Variants in USP42 observed in about 807,000 individuals in gnomAD.
USP42 encodes ubiquitin carboxyl-terminal hydrolase 42.
Under a neutral mutation model 113.0 loss-of-function variants are expected in USP42, and 23 were observed. That is an observed-to-expected ratio of 0.20 (90% CI 0.15 to 0.29). The LOEUF is 0.29. Among genes scored for constraint, USP42 ranks in the 10% least tolerant of loss-of-function variants. The pLI, the probability that USP42 is intolerant of heterozygous loss-of-function variation, is 1.00. For missense variants in USP42, 2,174 were observed against 1,779.8 expected, an observed-to-expected ratio of 1.22 and a Z score of -3.99; for synonymous variants, 933 against 699.0, an observed-to-expected ratio of 1.33 and a Z score of -5.28.
chr7:6,084,301 A>T, the USP42 span: 1 of 151,604 alleles, frequency 6.6e-6, no homozygotes, highest in African/African-American at 2.5e-5. Flanking sequence ...TGCTGGGATT[A>T]CAGGTGTGAG....
intron 15 of USP42, 85 bp from the exon 16 acceptor site, chr7:6,156,669 G>GGTCGCCGTATCATTAAAA: frequency 1.4e-6 from 2 of 1,450,870 alleles, no homozygotes; most frequent in East Asian, 2.5e-5. Flanking sequence ...TGTTCTCGGT[G>GGTCGCCGTATCATTAAAA]AATGGGTGGA....
the USP42 span, among the ~76,000 whole-genome samples, chr7:6,086,379 G>A: frequency 6.7e-6 from 1 of 150,356 alleles, no homozygotes; most frequent in African/African-American, 2.5e-5. Context: ...CTAATTTTTT[G>A]TATTTTTAAT....
chr7:6,142,679 T>C (rs945654117), intron 7 of USP42, among the ~76,000 whole-genome samples: 4 of 152,048 alleles, frequency 2.6e-5, no homozygotes, highest in Non-Finnish European at 4.4e-5. Context: ...GCCCAGGAGT[T>C]TGAGACCAGC....
rs773372354 is a variant in USP42 at position 6,111,389 on chromosome 7, AAG to A, written c.241+21_241+22del. 1.2e-6 allele frequency: 2 copies of A among 1,605,108 alleles called. No individual in the cohort carries two copies. Among genetic ancestry groups the A allele is most frequent in the Non-Finnish European group, 8.5e-7 (1 of 1,173,530 alleles). On this transcript the variant is annotated intron_variant, in intron 2 of 17. Transcript: ENST00000306177. ...AAAGGATCAAGGTACTGTTTTTCAAAAGAGAGAATTACCGCCAGAAACTCCTG... is the reference window on the plus strand; with the variant it reads ...AAAGGATCAAGGTACTGTTTTTCAAAAGAGAATTACCGCCAGAAACTCCTG...
At chr7:6,112,964 C>T (rs1212275001) in intron 2 of USP42, among the ~76,000 whole-genome samples, 5 of 139,270 alleles carry the variant, frequency 3.6e-5, no homozygotes, top group African/African-American at 1.4e-4. Flanking sequence ...AATGCAGTGG[C>T]GCGATCTCGG....
chr7:6,142,469 GC>G (rs1448941860), intron 7 of USP42, among the ~76,000 whole-genome samples: 3 of 152,084 alleles, frequency 2.0e-5, no homozygotes, highest in African/African-American at 4.8e-5. Context: ...GCCTGCCTTG[GC>G]CTCCCAACGT....
At chr7:6,105,289 G>A (rs1424758636) in intron 1 of USP42, among the ~76,000 whole-genome samples, 1 of 146,814 alleles carries the variant, frequency 6.8e-6, no homozygotes, top group African/African-American at 2.4e-5. Context: ...GGGCACCGGG[G>A]TAGCCGGGCT....
In USP42 at chr7:6,159,745, C is replaced by T. The variant is rs958838054; in HGVS notation, c.*36+252C>T. On this transcript the variant is annotated intron_variant, in intron 17 of 17. Coordinates refer to ENST00000306177, the MANE Select transcript of USP42 (RefSeq NM_032172.3). This position sits in a 1 kb window ranked among gnomAD's most constrained non-coding sequence, Gnocchi z 4.1. ...CCCGCATCCTTCACGCAGGCAGAGTCGCCCTGTTCCCTTGTGCCTCACTTG... is the reference window on the plus strand; with the variant it reads ...CCCGCATCCTTCACGCAGGCAGAGTTGCCCTGTTCCCTTGTGCCTCACTTG... 4.6e-5 allele frequency among the ~76,000 whole-genome samples: 7 copies of T among 152,248 alleles called. No homozygotes were observed. The highest frequency in any genetic ancestry group is 2.0e-4 in the Admixed American group (3 of 15,284).
At chr7:6,118,747 T>C (rs890144033) in intron 3 of USP42, among the ~76,000 whole-genome samples, 2 of 152,188 alleles carry the variant, frequency 1.3e-5, no homozygotes, top group African/African-American at 4.8e-5. Flanking sequence ...ATAATCCTTT[T>C]GTCACTAAAT....
intron 1 of USP42, among the ~76,000 whole-genome samples, chr7:6,105,364 GCC>G (rs1217818077): frequency 6.7e-6 from 1 of 148,972 alleles, no homozygotes; most frequent in East Asian, 2.0e-4. Context: ...CCCGGCCCCA[GCC>G]CGCCCCTTCG....
At chr7:6,107,414 T>C (rs1039255152) in intron 1 of USP42, among the ~76,000 whole-genome samples, 18 of 150,178 alleles carry the variant, frequency 1.2e-4, no homozygotes, top group Admixed American at 2.6e-4. Flanking sequence ...CTTTTCTTTT[T>C]TTTTTTTTTT....
chr7:6,081,513 T>G, the USP42 span, among the ~76,000 whole-genome samples: 1 of 152,144 alleles, frequency 6.6e-6, no homozygotes, highest in East Asian at 1.9e-4. Context: ...GAAGTAGCCC[T>G]TCTCCAGACG....
chr7:6,141,000 A>T lies in USP42; in HGVS notation c.795+16A>T. 1 of 1,291,492 alleles carries T rather than the reference A, an allele frequency of 7.7e-7. No homozygotes were observed. The highest frequency in any genetic ancestry group is 1.1e-6 in the Non-Finnish European group (1 of 915,748). 80.0% of individuals were successfully genotyped at this position (1,291,492 alleles called of 1,614,324 possible). A position where few individuals can be genotyped will look rare whatever the true frequency, so the allele number is the denominator to read the frequency against. ...GGAGATAAAGGTAAATTTCATAATT[A>T]TGGGAGTAATTACATTTTTAAAATA... On this transcript the variant is annotated intron_variant, in intron 7 of 17. Transcript: ENST00000306177.
At chr7:6,095,664 G>A in the USP42 span, among the ~76,000 whole-genome samples, 12 of 151,040 alleles carry the variant, frequency 7.9e-5, no homozygotes, top group Admixed American at 2.6e-4. Context: ...GCAAGACTCC[G>A]TCTAAAAAAC....
At chr7:6,113,516 C>T (rs1344216273) in intron 2 of USP42, among the ~76,000 whole-genome samples, 1 of 152,194 alleles carries the variant, frequency 6.6e-6, no homozygotes, top group Non-Finnish European at 1.5e-5. Flanking sequence ...CTCCTTTCCC[C>T]ACCAAGCTGT....
intron 3 of USP42, among the ~76,000 whole-genome samples, chr7:6,118,751 A>G (rs946608226): frequency 6.6e-6 from 1 of 152,128 alleles, no homozygotes; most frequent in African/African-American, 2.4e-5. Flanking sequence ...TCCTTTTGTC[A>G]CTAAATTGTC....
At chr7:6,091,987 CTTCTTCTT>C in the USP42 span, among the ~76,000 whole-genome samples, 1 of 47,648 alleles carries the variant, frequency 2.1e-5, no homozygotes, top group Non-Finnish European at 5.0e-5. Flanking sequence ...TTTTCTTCTT[CTTCTTCTT>C]CTTCTTCTTC....
chr7:6,154,126 G>A lies in USP42; in HGVS notation c.2572G>A (p.Ala858Thr). ...LAEAPEGLSP[A>T]PPARSEEPCE... is the part of the protein sequence containing the mutation. ...GGAAGCCCCGGAAGGGTTGAGTCCG[G>A]CTCCGCCTGCGCGGTCGGAGGAGCC... The change falls in exon 15 of 18, where the codon GCT (alanine) becomes ACT (threonine). Residue 858 changes from alanine to threonine, a missense_variant. Transcript: ENST00000306177. 1 of 1,599,734 alleles carries A rather than the reference G, an allele frequency of 6.3e-7. No homozygotes were observed.
intron 1 of USP42, among the ~76,000 whole-genome samples, chr7:6,105,724 A>C (rs1779242978): frequency 6.6e-6 from 1 of 151,770 alleles, no homozygotes; most frequent in African/African-American, 2.4e-5. Context: ...AGCGTTTTTT[A>C]TTTTCGGGGC....
Sources: gnomAD v4.1 joint callset for allele counts (sites outside exome capture counted in the v4.1 genomes callset) on GRCh38, gnomAD v4.1.1 for gene constraint, Gnocchi (gnomAD v3.1) non-coding constraint, MANE v1.5 for transcripts, NCBI Gene and HGNC (gene_info 2026-07-23, HGNC 2026-07-21) for gene names.